CYTH1: variants seen among roughly 807,000 people sequenced by gnomAD.
The protein encoded by CYTH1 is cytohesin-1.
A neutral mutation model predicts 61.8 loss-of-function variants in CYTH1; 18 were observed. The ratio of observed to expected loss-of-function variants is 0.29; its 90% CI spans 0.20 to 0.43. The LOEUF (loss-of-function observed/expected upper bound fraction) is 0.43, where lower values mean the gene tolerates loss of function less well. CYTH1 is among the 20% of genes least tolerant of loss of function. CYTH1 has a pLI of 1.00. For synonymous variants in CYTH1, 174 were observed against 184.3 expected (o/e 0.94, Z 0.45); for missense variants, 336 against 510.5 (o/e 0.66, Z 3.29).
At chr17:78,753,268 T>A (rs1409139519) in intron 1 of CYTH1, among the ~76,000 whole-genome samples, 1 of 152,108 alleles carries the variant, frequency 6.6e-6, no homozygotes, top group African/African-American at 2.4e-5. Flanking sequence ...TAGACCAGCC[T>A]GGGCAATATA....
intron 1 of CYTH1, among the ~76,000 whole-genome samples, chr17:78,781,405 C>T (rs72849511): frequency 0.26 from 40,007 of 152,232 alleles, 6,319 homozygotes; most frequent in East Asian, 0.36. Flanking sequence ...GGGAGGCACC[C>T]CTGGCCTGGG....
rs376684407 is a variant in CYTH1, at chr17:78,685,136, T to C, written c.892-4094A>G. On this transcript the variant is annotated intron_variant, in intron 11 of 13. Transcript: ENST00000446868. ...ATTTCTTGAATCCGGGAGGCGGAGG[T>C]TGCAGTGAGCCACTGCAAGATCGTG... 4.7e-5 allele frequency among the ~76,000 whole-genome samples: 7 copies of C among 148,064 alleles called. No homozygotes were observed. The East Asian group carries it at 1.2e-3, about 25-fold the overall frequency.
At chr17:78,728,990 CG>C (rs1241969310) in intron 1 of CYTH1, among the ~76,000 whole-genome samples, 1 of 152,010 alleles carries the variant, frequency 6.6e-6, no homozygotes, top group Non-Finnish European at 1.5e-5. Context: ...TGCTCATTTG[CG>C]ACATGAAAAT....
At chr17:78,701,881 G>T in intron 5 of CYTH1, 130 bp from the exon 6 acceptor site, 2 of 917,256 alleles carry the variant, frequency 2.2e-6, no homozygotes, top group Non-Finnish European at 3.5e-6. Context: ...AGCCACTTGT[G>T]CACACTGTCC....
At chr17:78,733,570 G>A (rs1004004098) in intron 1 of CYTH1, among the ~76,000 whole-genome samples, 1 of 152,200 alleles carries the variant, frequency 6.6e-6, no homozygotes, top group African/African-American at 2.4e-5. Flanking sequence ...CCAGTCCCTG[G>A]CCTGCACAGA....
At chr17:78,712,328 T>C (rs921696584) in intron 1 of CYTH1, among the ~76,000 whole-genome samples, 3 of 152,192 alleles carry the variant, frequency 2.0e-5, no homozygotes, top group African/African-American at 7.2e-5. Flanking sequence ...TATTTCACTG[T>C]GAGCTTTCTT....
intron 11 of CYTH1, among the ~76,000 whole-genome samples, chr17:78,690,893 T>C (rs2092878374): frequency 6.6e-6 from 1 of 152,188 alleles, no homozygotes; most frequent in African/African-American, 2.4e-5. Context: ...TAGATGCTTA[T>C]GTATCATTTT....
At chr17:78,749,418 C>G (rs1376092442) in intron 1 of CYTH1, among the ~76,000 whole-genome samples, 1 of 152,138 alleles carries the variant, frequency 6.6e-6, no homozygotes, top group Non-Finnish European at 1.5e-5. Flanking sequence ...AGAGATTGTG[C>G]CATTGCACCC....
At chr17:78,695,186 C>CA (rs1375379442) in intron 10 of CYTH1, among the ~76,000 whole-genome samples, 1 of 152,028 alleles carries the variant, frequency 6.6e-6, no homozygotes, top group Non-Finnish European at 1.5e-5. Flanking sequence ...TATGTTTCCC[C>CA]AAAAAAACCA....
chr17:78,760,475 ATATATGTATG>A (rs1567879471), intron 1 of CYTH1, among the ~76,000 whole-genome samples: 735 of 53,800 alleles, frequency 0.014, 117 homozygotes, highest in Non-Finnish European at 0.017. Context: ...ATATATGTAT[ATATATGTATG>A]TATATATATA....
At chr17:78,773,977 ATTT>A (rs1054871686) in intron 1 of CYTH1, among the ~76,000 whole-genome samples, 5 of 152,128 alleles carry the variant, frequency 3.3e-5, no homozygotes, top group Admixed American at 6.6e-5. Flanking sequence ...CAAAATAAAA[ATTT>A]TTTTCAATCC....
chr17:78,759,002 C>G (rs1362246199), intron 1 of CYTH1, among the ~76,000 whole-genome samples: 1 of 151,750 alleles, frequency 6.6e-6, no homozygotes, highest in Non-Finnish European at 1.5e-5. Context: ...ACTCAGGAAG[C>G]TGAGGTGGGA....
chr17:78,696,128 C>A lies in CYTH1; in HGVS notation c.812-119G>T, dbSNP rs180989672. 3 of 1,289,674 alleles carry A rather than the reference C, an allele frequency of 2.3e-6. No individual in the cohort carries two copies. The East Asian group carries it at 1.5e-4, about 65-fold the overall frequency. The allele number at this position is 1,289,674 out of a possible 1,614,324, so 79.9% of individuals were successfully genotyped here. A position where few individuals can be genotyped will look rare whatever the true frequency, so the allele number is the denominator to read the frequency against. On this transcript the variant is annotated intron_variant, in intron 9 of 13. Transcript: ENST00000446868. ...TCCTTAATCTTAAAGTGCAATGTAT[C>A]AGTCACATTCATGCCTGCCTGGGGA...
At chr17:78,730,476 T>A (rs2093287619) in intron 1 of CYTH1, among the ~76,000 whole-genome samples, 1 of 149,656 alleles carries the variant, frequency 6.7e-6, no homozygotes, top group South Asian at 2.1e-4. Context: ...GAGGCAGAGC[T>A]TGCAGTGAGC....
chr17:78,691,575 AG>A (rs914725936), intron 11 of CYTH1: 3 of 152,270 alleles, frequency 2.0e-5, no homozygotes, highest in African/African-American at 7.2e-5. Context: ...GGAGAACAAA[AG>A]CAAAGCATTC....
intron 1 of CYTH1, among the ~76,000 whole-genome samples, chr17:78,733,127 G>A (rs1386631238): frequency 4.2e-5 from 6 of 141,672 alleles, no homozygotes; most frequent in African/African-American, 7.9e-5. Context: ...GAAAGTTCAC[G>A]TCAAGGACAG....
intron 1 of CYTH1, among the ~76,000 whole-genome samples, chr17:78,754,044 C>T (rs918413936): frequency 1.3e-5 from 2 of 152,120 alleles, no homozygotes; most frequent in African/African-American, 2.4e-5. Context: ...TCTAGATACA[C>T]GTGGAGTAGG....
At chr17:78,730,734 A>G (rs2093289274) in intron 1 of CYTH1, among the ~76,000 whole-genome samples, 1 of 151,396 alleles carries the variant, frequency 6.6e-6, no homozygotes, top group African/African-American at 2.4e-5. Context: ...GTGCAATCTC[A>G]GCTCACTGCA....
intron 1 of CYTH1, among the ~76,000 whole-genome samples, chr17:78,754,344 GT>G (rs1334372211): frequency 6.6e-6 from 1 of 151,640 alleles, no homozygotes; most frequent in African/African-American, 2.4e-5. Context: ...GGGGTTTTTT[GT>G]TTTCTTTTTT....
Sources: allele counts gnomAD v4.1 joint callset (sites outside exome capture counted in the v4.1 genomes callset), GRCh38; gene constraint gnomAD v4.1.1; transcripts MANE v1.5; gene names NCBI Gene and HGNC (gene_info 2026-07-23, HGNC 2026-07-21).